The following ESR2 variants were observed in gnomAD, a reference collection of about 807,000 sequenced individuals.
ESR2 encodes estrogen receptor 2.
A neutral mutation model predicts 49.6 loss-of-function variants in ESR2; 36 were observed. The observed-to-expected ratio is 0.73, with a 90% CI of 0.56 to 0.96. The LOEUF is 0.96. Among genes scored for constraint, ESR2 ranks in the 40% least tolerant of loss-of-function variants. The pLI is 0.00. For missense variants in ESR2, 714 were observed against 693.0 expected (o/e 1.03, Z -0.34); for synonymous variants, 320 against 266.1 (o/e 1.20, Z -1.97).
At chr14:64,274,144 C>G (rs537231861) in intron 3 of ESR2, among the ~76,000 whole-genome samples, 1 of 150,342 alleles carries the variant, frequency 6.7e-6, no homozygotes, top group Non-Finnish European at 1.5e-5. Context: ...ATAGGGATCT[C>G]TGTGTGTTGT....
At chr14:64,268,286 T>C (rs2076371699) in intron 4 of ESR2, among the ~76,000 whole-genome samples, 1 of 152,264 alleles carries the variant, frequency 6.6e-6, no homozygotes, top group South Asian at 2.1e-4. Flanking sequence ...AGTTCCATTA[T>C]GTTTCTGACT....
intron 6 of ESR2, among the ~76,000 whole-genome samples, chr14:64,252,396 C>T (rs1454245326): frequency 6.6e-6 from 1 of 151,978 alleles, no homozygotes; most frequent in Non-Finnish European, 1.5e-5. Context: ...CTGACCTACT[C>T]AGGAAATTTA....
At chr14:64,276,556 C>T (rs1278235990) in intron 3 of ESR2, among the ~76,000 whole-genome samples, 4 of 152,166 alleles carry the variant, frequency 2.6e-5, no homozygotes, top group Non-Finnish European at 4.4e-5. Context: ...CACTTGAAAA[C>T]ATCTGTCAAG....
rs373160454 is a variant in ESR2 at position 64,317,544 on chromosome 14, G to C, written c.-91+20354C>G. On this transcript the variant is annotated intron_variant, in intron 1 of 8. Transcript: ENST00000358599. ...ATCTCGTGAGAACTCACTCACTATC[G>C]TGAGGACAGCACCAAGCCATGAGGG... Among the ~76,000 whole-genome samples, 17 of 152,258 alleles carry C rather than the reference G, an allele frequency of 1.1e-4. 1 individual carries two copies. The South Asian group carries it at 3.3e-3, about 30-fold the overall frequency.
chr14:64,271,412 AC>A (rs1176497379), intron 3 of ESR2, among the ~76,000 whole-genome samples: 2 of 151,804 alleles, frequency 1.3e-5, no homozygotes, highest in African/African-American at 2.4e-5. Flanking sequence ...TGCAACCTCC[AC>A]CTCCCGGGTT....
intron 7 of ESR2, among the ~76,000 whole-genome samples, chr14:64,246,734 CAAAAAAAAAAAAAAAAAAA>C (rs71123836): frequency 0.034 from 1,231 of 36,528 alleles, 73 homozygotes; most frequent in African/African-American, 0.15. Context: ...AAGACTCTGT[CAAAAAAAAAAAAAAAAAAA>C]AAAAAAAAAA....
intron 1 of ESR2, among the ~76,000 whole-genome samples, chr14:64,320,959 G>A (rs1250838345): frequency 1.3e-5 from 2 of 152,040 alleles, no homozygotes; most frequent in Non-Finnish European, 2.9e-5. Flanking sequence ...CCACACTAAT[G>A]CAATTTGTTA....
At chr14:64,254,531 G>A (rs183169735) in intron 6 of ESR2, among the ~76,000 whole-genome samples, 1 of 150,748 alleles carries the variant, frequency 6.6e-6, no homozygotes, top group East Asian at 1.9e-4. Flanking sequence ...GGGATCACTT[G>A]AAGTCAGGAC....
chr14:64,276,701 C>A (rs1265877912), intron 3 of ESR2, among the ~76,000 whole-genome samples: 1 of 151,898 alleles, frequency 6.6e-6, no homozygotes. Flanking sequence ...TTGATAGGGC[C>A]TTCAATAATA....
intron 1 of ESR2, among the ~76,000 whole-genome samples, chr14:64,293,267 G>A (rs966872562): frequency 1.3e-5 from 2 of 152,090 alleles, no homozygotes; most frequent in African/African-American, 2.4e-5. Flanking sequence ...ACCGAGTTAC[G>A]AAACTTAGAG....
At chr14:64,286,549 G>T (rs1038737665) in intron 1 of ESR2, among the ~76,000 whole-genome samples, 2 of 151,940 alleles carry the variant, frequency 1.3e-5, no homozygotes, top group African/African-American at 4.8e-5. Context: ...TGATCCACCC[G>T]CCTTGGCCTC....
chr14:64,297,047 C>T (rs904849658), upstream of ESR2, among the ~76,000 whole-genome samples: 6 of 152,148 alleles, frequency 3.9e-5, no homozygotes, highest in Admixed American at 2.0e-4. Flanking sequence ...GTATTGAGAA[C>T]GATGCCTGCT....
chr14:64,257,285 C>T lies in ESR2; in HGVS notation c.1032G>A (p.Met344Ile), dbSNP rs1254364262. ...TGCCGGGGTGGTCAATTGAGCGCCA[C>T]ATCAGCCCCATCATTAACACCTCCA... is the stretch of plus-strand genomic sequence containing the variant. ...CWMEVLMMGL[M>I]WRSIDHPGKL... Residue 344 changes from methionine (M) to isoleucine (I), a missense_variant, in exon 6 of 9, where the codon ATG becomes ATA. By Grantham distance (10) the Met-to-Ile change is conservative. Transcript: ENST00000341099. 2 of 1,614,034 alleles carry T rather than the reference C, an allele frequency of 1.2e-6. No individual in the cohort carries two copies. The highest frequency in any genetic ancestry group is 3.3e-5 in the Admixed American group (2 of 60,006).
chr14:64,283,883 G>A (rs149082071), intron 1 of ESR2, among the ~76,000 whole-genome samples: 1 of 151,572 alleles, frequency 6.6e-6, no homozygotes, highest in African/African-American at 2.4e-5. Flanking sequence ...CAGTGTAACT[G>A]TGTCACTTAT....
intron 1 of ESR2, among the ~76,000 whole-genome samples, chr14:64,305,952 T>G (rs1269547982): frequency 2.0e-5 from 3 of 152,164 alleles, no homozygotes; most frequent in Non-Finnish European, 4.4e-5. Context: ...GGCTCACGCC[T>G]GTAATCCCAG....
intron 4 of ESR2, among the ~76,000 whole-genome samples, chr14:64,267,172 C>A (rs1388574601): frequency 6.6e-6 from 1 of 152,226 alleles, no homozygotes; most frequent in Non-Finnish European, 1.5e-5. Context: ...AGCCACCGCA[C>A]CCGGCCTTAA....
downstream of ESR2, chr14:64,227,618 A>C: frequency 6.2e-7 from 1 of 1,614,158 alleles, no homozygotes; most frequent in East Asian, 2.2e-5. Context: ...TTCTGCCCTT[A>C]AGTAGAGATG....
At chr14:64,271,836 G>C (rs1180946129) in intron 3 of ESR2, among the ~76,000 whole-genome samples, 2 of 152,134 alleles carry the variant, frequency 1.3e-5, no homozygotes, top group Admixed American at 1.3e-4. Flanking sequence ...CCAAATCTTG[G>C]CTATTGTGAA....
At chr14:64,272,044 C>T (rs1321418315) in intron 3 of ESR2, among the ~76,000 whole-genome samples, 1 of 152,190 alleles carries the variant, frequency 6.6e-6, no homozygotes, top group Non-Finnish European at 1.5e-5. Flanking sequence ...GTTCCCTTTT[C>T]TCTACATCCT....
Sources: allele counts gnomAD v4.1 joint callset (sites outside exome capture counted in the v4.1 genomes callset), GRCh38; gene constraint gnomAD v4.1.1; transcripts MANE v1.5; gene names NCBI Gene and HGNC (gene_info 2026-07-23, HGNC 2026-07-21).